The following SVOP variants were observed in gnomAD, a reference collection of about 807,000 sequenced individuals.
SVOP encodes synaptic vesicle 2-related protein.
SVOP carries 17 observed loss-of-function variants against 69.1 expected under a neutral mutation model. The ratio of observed to expected loss-of-function variants is 0.25; its 90% CI spans 0.17 to 0.37. The LOEUF (loss-of-function observed/expected upper bound fraction) is 0.37, where lower values mean the gene tolerates loss of function less well. SVOP is among the 10% of genes least tolerant of loss of function. The probability of loss-of-function intolerance (pLI) is 1.00; values close to 1 mark genes in which losing one functional copy is unlikely to be tolerated. For synonymous variants in SVOP, 238 were observed against 238.6 expected (o/e 1.00, Z 0.02); for missense variants, 435 against 597.5 (o/e 0.73, Z 2.84).
intron 6 of SVOP, among the ~76,000 whole-genome samples, chr12:108,955,050 T>C (rs886775457): frequency 1.3e-5 from 2 of 152,252 alleles, no homozygotes; most frequent in African/African-American, 4.8e-5. Context: ...TATTTCTTAC[T>C]ACTTCTATGT....
At chr12:108,973,768 A>T (rs926015391) in intron 4 of SVOP, among the ~76,000 whole-genome samples, 66 of 152,144 alleles carry the variant, frequency 4.3e-4, no homozygotes, top group Admixed American at 4.2e-3. Flanking sequence ...CTCAAGAACG[A>T]GTTAGGAGTC....
intron 1 of SVOP, among the ~76,000 whole-genome samples, chr12:108,995,016 G>A (rs934384194): frequency 6.6e-5 from 10 of 151,936 alleles, no homozygotes; most frequent in Non-Finnish European, 8.8e-5. Flanking sequence ...ATGGTGGTGC[G>A]TGTCTGTGGT....
chr12:108,977,630 T>C, intron 3 of SVOP, 134 bp from the exon 4 acceptor site: 1 of 576,086 alleles, frequency 1.7e-6, no homozygotes, highest in Non-Finnish European at 3.2e-6. Flanking sequence ...CTGCTGCACA[T>C]CAAACCACAC....
chr12:109,003,667 C>T (rs1253830359), intron 1 of SVOP, among the ~76,000 whole-genome samples: 1 of 152,068 alleles, frequency 6.6e-6, no homozygotes, highest in Non-Finnish European at 1.5e-5. Context: ...GGAGTGCAGT[C>T]GTGCAATAAA....
intron 11 of SVOP, among the ~76,000 whole-genome samples, chr12:108,924,245 G>C (rs2039767187): frequency 6.6e-6 from 1 of 152,100 alleles, no homozygotes; most frequent in Non-Finnish European, 1.5e-5. Context: ...AGCCCCCCAG[G>C]ACCGACAGAA....
In SVOP at chr12:108,911,090, A is replaced by C. The variant is rs767707059; in HGVS notation, c.*1445T>G. The C allele has an allele frequency of 6.6e-6, 1 of 152,194 alleles. No homozygotes were observed. Among genetic ancestry groups the C allele is most frequent in the Non-Finnish European group, 1.5e-5 (1 of 68,050 alleles). 9.4% of individuals were successfully genotyped at this position (152,194 alleles called of 1,614,324 possible). A position where few individuals can be genotyped will look rare whatever the true frequency, so the allele number is the denominator to read the frequency against. ...GAAGTGATGTTGCCTGCGGAGACCA[A>C]CTCAAAACCAACTGGCCTCCCACTG... On this transcript the variant is annotated 3_prime_UTR_variant, in exon 16 of 16. Transcript: ENST00000610966.
intron 7 of SVOP, among the ~76,000 whole-genome samples, chr12:108,943,599 CAA>C (rs375255134): frequency 2.3e-3 from 311 of 135,922 alleles, no homozygotes; most frequent in Middle Eastern, 3.7e-3. Context: ...CTCTGTCTCA[CAA>C]AAAAAAAAAA....
At chr12:108,928,016 C>T (rs79566562) in intron 11 of SVOP, among the ~76,000 whole-genome samples, 1 of 152,016 alleles carries the variant, frequency 6.6e-6, no homozygotes, top group Non-Finnish European at 1.5e-5. Flanking sequence ...AGCAATTCTC[C>T]TGACTTGGCC....
chr12:108,972,306 G>T, intron 5 of SVOP, 99 bp downstream of exon 5: 1 of 1,123,060 alleles, frequency 8.9e-7, no homozygotes, highest in Non-Finnish European at 1.3e-6. Flanking sequence ...ATCCTTATTA[G>T]GCCTCCCAAC....
intron 6 of SVOP, among the ~76,000 whole-genome samples, chr12:108,949,434 A>T (rs1005198193): frequency 1.3e-5 from 2 of 151,654 alleles, no homozygotes; most frequent in African/African-American, 2.4e-5. Flanking sequence ...TGCCCAGCTA[A>T]TTTTTTTGTA....
intron 6 of SVOP, among the ~76,000 whole-genome samples, chr12:108,950,026 C>T (rs1566055198): frequency 6.6e-6 from 1 of 152,098 alleles, no homozygotes; most frequent in Non-Finnish European, 1.5e-5. Flanking sequence ...TTCAGTAAGA[C>T]AATATGGAAA....
intron 1 of SVOP, among the ~76,000 whole-genome samples, chr12:108,990,647 TTAAAG>T (rs1443075360): frequency 1.3e-5 from 2 of 148,520 alleles, no homozygotes; most frequent in Non-Finnish European, 3.0e-5. Context: ...ACCCTAGAAC[TTAAAG>T]TATAATAAAA....
intron 1 of SVOP, among the ~76,000 whole-genome samples, chr12:108,998,812 C>A (rs1196040844): frequency 6.6e-6 from 1 of 150,994 alleles, no homozygotes; most frequent in Admixed American, 6.6e-5. Context: ...CTGAAGGAAG[C>A]GCTAAACATG....
At chr12:109,017,113 A>G (rs1243216296) in intron 1 of SVOP, among the ~76,000 whole-genome samples, 1 of 152,164 alleles carries the variant, frequency 6.6e-6, no homozygotes, top group Non-Finnish European at 1.5e-5. Flanking sequence ...TCCCTGGGCC[A>G]AGGACCCGTA....
chr12:109,003,662 G>A (rs2040287544), intron 1 of SVOP, among the ~76,000 whole-genome samples: 1 of 152,184 alleles, frequency 6.6e-6, no homozygotes, highest in South Asian at 2.1e-4. Flanking sequence ...AGGCTGGAGT[G>A]CAGTCGTGCA....
chr12:108,985,410 G>A (rs2040161431), intron 1 of SVOP, among the ~76,000 whole-genome samples: 1 of 152,160 alleles, frequency 6.6e-6, no homozygotes, highest in Non-Finnish European at 1.5e-5. Context: ...GGTCACTCAC[G>A]CCTATAATCT....
intron 6 of SVOP, among the ~76,000 whole-genome samples, chr12:108,957,720 A>G (rs2039993772): frequency 3.3e-5 from 5 of 152,260 alleles, no homozygotes. Context: ...TAAAAGAGGC[A>G]TGGCGACCAG....
intron 6 of SVOP, among the ~76,000 whole-genome samples, chr12:108,953,144 TTTTTTTTTC>T (rs1250120540): frequency 9.3e-5 from 12 of 128,872 alleles, no homozygotes; most frequent in East Asian, 2.5e-4. Flanking sequence ...GACTTTTTTT[TTTTTTTTTC>T]TTTTTTTTTT....
At chr12:108,970,217 A>C (rs2040070351) in intron 5 of SVOP, among the ~76,000 whole-genome samples, 2 of 152,232 alleles carry the variant, frequency 1.3e-5, no homozygotes, top group South Asian at 4.1e-4. Flanking sequence ...CTTCTGGAGC[A>C]CCTACTGATT....
Sources: allele counts gnomAD v4.1 joint callset (sites outside exome capture counted in the v4.1 genomes callset), GRCh38; gene constraint gnomAD v4.1.1; transcripts MANE v1.5; gene names NCBI Gene and HGNC (gene_info 2026-07-23, HGNC 2026-07-21).